CACNB4: variants seen among roughly 807,000 people sequenced by gnomAD.
CACNB4 encodes voltage-dependent L-type calcium channel subunit beta-4.
A neutral mutation model predicts 71.2 loss-of-function variants in CACNB4; 32 were observed. The observed-to-expected ratio is 0.45, with a 90% CI of 0.34 to 0.60. The LOEUF (loss-of-function observed/expected upper bound fraction) is 0.60. Ranked by LOEUF, CACNB4 falls within the 20% of genes least tolerant of loss-of-function variation. The probability of loss-of-function intolerance (pLI) is 0.01; values close to 1 mark genes in which losing one functional copy is unlikely to be tolerated. For synonymous variants in CACNB4, 231 were observed against 236.9 expected, an observed-to-expected ratio of 0.97 and a Z score of 0.23; for missense variants, 464 against 647.9, an observed-to-expected ratio of 0.72 and a Z score of 3.08.
chr2:151,937,120 A>C (rs77440227), intron 2 of CACNB4, among the ~76,000 whole-genome samples: 2,785 of 152,294 alleles, frequency 0.018, 98 homozygotes, highest in African/African-American at 0.062. Flanking sequence ...GTACCACTCC[A>C]TATTCATTGT....
chr2:151,963,272 A>T (rs1204052723), intron 2 of CACNB4, among the ~76,000 whole-genome samples: 3 of 145,546 alleles, frequency 2.1e-5, no homozygotes, highest in Non-Finnish European at 4.5e-5. Context: ...AGATTGCGCC[A>T]CTGCACTCCA....
chr2:152,059,622 G>A (rs1685901580), intron 2 of CACNB4, among the ~76,000 whole-genome samples: 1 of 152,206 alleles, frequency 6.6e-6, no homozygotes, highest in Non-Finnish European at 1.5e-5. Flanking sequence ...GATTTTACAG[G>A]CTCATAGGCA....
intron 2 of CACNB4, among the ~76,000 whole-genome samples, chr2:152,034,446 G>A (rs1304145887): frequency 6.6e-6 from 1 of 152,152 alleles, no homozygotes; most frequent in African/African-American, 2.4e-5. Flanking sequence ...GGGGAACTGA[G>A]AGCAAGGACA....
At chr2:151,876,304 G>T in intron 5 of CACNB4, 122 bp downstream of exon 5, 1 of 723,956 alleles carries the variant, frequency 1.4e-6, no homozygotes, top group Non-Finnish European at 2.1e-6. Context: ...AAACTCTTCT[G>T]TGTCAGTTTC....
rs766380799 is a variant in CACNB4, at chr2:151,876,438, C to T, written c.509G>A (p.Arg170His). The T allele has an allele frequency of 6.3e-7, 1 of 1,594,208 alleles. No homozygotes were observed. Among genetic ancestry groups the T allele is most frequent in the Middle Eastern group, 1.7e-4 (1 of 5,988 alleles). ...IRIQQEQKRG[R>H]FHGGKSSGNS... ...GATGGGAACGTACCCTCCGTGAAAA[C>T]GTCCTCTTTTTTGTTCTTGCTGGAT... Residue 170 changes from arginine (R) to histidine (H), a missense_variant, in exon 5 of 14, where the codon CGT (arginine) becomes CAT (histidine). Physicochemically the swap from Arg to His is conservative, Grantham distance 29 (BLOSUM62 0). Transcript: ENST00000539935.
intron 12 of CACNB4, among the ~76,000 whole-genome samples, chr2:151,842,547 G>C (rs1337377488): frequency 6.6e-6 from 1 of 151,768 alleles, no homozygotes; most frequent in African/African-American, 2.4e-5. Flanking sequence ...TCTTGGCCAG[G>C]CTGGTCTTGA....
At chr2:151,913,125 C>G (rs188140787) in intron 2 of CACNB4, among the ~76,000 whole-genome samples, 6 of 152,224 alleles carry the variant, frequency 3.9e-5, no homozygotes, top group African/African-American at 1.4e-4. Context: ...ATCCAATTTG[C>G]CACACTGTGT....
intron 2 of CACNB4, among the ~76,000 whole-genome samples, chr2:151,989,628 T>C (rs1160232554): frequency 6.6e-6 from 1 of 152,180 alleles, no homozygotes; most frequent in African/African-American, 2.4e-5. Flanking sequence ...CTCCTCTCCC[T>C]TAGCTTCAAC....
chr2:152,097,353 G>GA (rs1393741846), intron 2 of CACNB4, among the ~76,000 whole-genome samples: 1 of 152,100 alleles, frequency 6.6e-6, no homozygotes, highest in East Asian at 1.9e-4. Context: ...GACCTAGAGG[G>GA]AAAAGAACTT....
intron 2 of CACNB4, among the ~76,000 whole-genome samples, chr2:151,885,080 G>A (rs1013397157): frequency 6.6e-6 from 1 of 152,188 alleles, no homozygotes; most frequent in African/African-American, 2.4e-5. Flanking sequence ...CATCATTCTA[G>A]CAAGGGTAGC....
chr2:151,931,891 A>G (rs996522487), intron 2 of CACNB4, among the ~76,000 whole-genome samples: 1 of 152,216 alleles, frequency 6.6e-6, no homozygotes, highest in African/African-American at 2.4e-5. Flanking sequence ...TATATTATGC[A>G]ACTATTAAAG....
At chr2:152,066,359 A>G (rs950780920) in intron 2 of CACNB4, among the ~76,000 whole-genome samples, 1 of 152,218 alleles carries the variant, frequency 6.6e-6, no homozygotes, top group African/African-American at 2.4e-5. Context: ...TTCTCAAAAG[A>G]AGACATTTAT....
chr2:151,981,231 C>A (rs1224410116), intron 2 of CACNB4, among the ~76,000 whole-genome samples: 3 of 152,212 alleles, frequency 2.0e-5, no homozygotes, highest in African/African-American at 7.2e-5. Context: ...CAGCTTCACA[C>A]CCCACATGCT....
chr2:152,079,711 A>T (rs962246954), intron 2 of CACNB4, among the ~76,000 whole-genome samples: 1 of 152,154 alleles, frequency 6.6e-6, no homozygotes. Flanking sequence ...GCTTGAGCCC[A>T]GGAGGTTAAG....
chr2:152,003,012 A>C (rs1285975117), intron 2 of CACNB4, among the ~76,000 whole-genome samples: 1 of 152,270 alleles, frequency 6.6e-6, no homozygotes, highest in Non-Finnish European at 1.5e-5. Flanking sequence ...CATCATGCAA[A>C]GCATGCTTTC....
intron 2 of CACNB4, among the ~76,000 whole-genome samples, chr2:151,960,214 T>C (rs576476385): frequency 2.0e-5 from 3 of 152,332 alleles, no homozygotes; most frequent in South Asian, 2.1e-4. Flanking sequence ...CTGTATACCA[T>C]ATGCCAGGCA....
At chr2:151,971,381 G>A (rs763718973) in intron 2 of CACNB4, 13 of 629,082 alleles carry the variant, frequency 2.1e-5, no homozygotes, top group South Asian at 7.4e-5. Context: ...GGACATATGC[G>A]GATGGTTCCC....
intron 5 of CACNB4, among the ~76,000 whole-genome samples, chr2:151,875,649 G>A (rs1456504677): frequency 6.0e-5 from 8 of 132,722 alleles, no homozygotes; most frequent in East Asian, 2.3e-4. Flanking sequence ...CCTCCCGGAC[G>A]GGGCGGCTGG....
At chr2:152,076,889 AG>A (rs1687060953) in intron 2 of CACNB4, among the ~76,000 whole-genome samples, 1 of 152,232 alleles carries the variant, frequency 6.6e-6, no homozygotes, top group Non-Finnish European at 1.5e-5. Flanking sequence ...GACAGAAATG[AG>A]TAAGTGAAAA....
Sources: allele counts gnomAD v4.1 joint callset (sites outside exome capture counted in the v4.1 genomes callset), GRCh38; gene constraint gnomAD v4.1.1; transcripts MANE v1.5; gene names NCBI Gene and HGNC (gene_info 2026-07-23, HGNC 2026-07-21).